ART3: variants seen among roughly 807,000 people sequenced by gnomAD.
ART3 encodes ecto-ADP-ribosyltransferase 3.
In ART3, 49 loss-of-function variants were observed where a neutral mutation model predicts 48.5. The ratio of observed to expected loss-of-function variants is 1.01; its 90% CI spans 0.80 to 1.28. ART3 has a LOEUF of 1.28. Among genes scored for constraint, ART3 ranks in the 50% most tolerant of loss-of-function variants. The pLI is 0.00. For missense variants in ART3, 438 were observed against 454.3 expected (o/e 0.96, Z 0.33); for synonymous variants, 145 against 157.2 (o/e 0.92, Z 0.58).
intron 2 of ART3, among the ~76,000 whole-genome samples, chr4:76,077,032 A>G (rs1354829948): frequency 1.3e-5 from 2 of 152,136 alleles, no homozygotes; most frequent in African/African-American, 4.8e-5. Flanking sequence ...TTGAAATATA[A>G]TTTACATACC....
chr4:76,079,289 G>A (rs1179870286), intron 2 of ART3, among the ~76,000 whole-genome samples: 1 of 151,968 alleles, frequency 6.6e-6, no homozygotes, highest in African/African-American at 2.4e-5. Flanking sequence ...GTTAAACTTA[G>A]TGATAGAGTG....
intron 1 of ART3, among the ~76,000 whole-genome samples, chr4:76,060,348 T>C (rs1719091108): frequency 1.0e-5 from 1 of 96,384 alleles, no homozygotes; most frequent in South Asian, 3.1e-4. Context: ...TGATTTATTT[T>C]GGCTGTGACA....
upstream of ART3, among the ~76,000 whole-genome samples, chr4:76,071,911 TTTTTTGTTTTTG>T (rs1215739076): frequency 5.3e-5 from 8 of 152,162 alleles, no homozygotes; most frequent in Non-Finnish European, 8.8e-5. Context: ...CTAAACATTT[TTTTTTGTTTTTG>T]TTTTTGTTTT....
At chr4:76,078,914 A>G (rs546201440) in intron 2 of ART3, among the ~76,000 whole-genome samples, 1 of 152,240 alleles carries the variant, frequency 6.6e-6, no homozygotes, top group South Asian at 2.1e-4. Context: ...CCCCGTCTCT[A>G]CTAAAAATAC....
chr4:76,023,003 G>T (rs1733012987), intron 1 of ART3, among the ~76,000 whole-genome samples: 1 of 152,186 alleles, frequency 6.6e-6, no homozygotes, highest in African/African-American at 2.4e-5. Context: ...TGGAAGAAAA[G>T]AATTGCAGCT....
chr4:76,037,744 A>G (rs1229498341), intron 1 of ART3, among the ~76,000 whole-genome samples: 5 of 152,172 alleles, frequency 3.3e-5, no homozygotes, highest in East Asian at 1.9e-4. Flanking sequence ...TCAACCATCA[A>G]TAATATTTTT....
chr4:76,089,460 T>C (rs1178451014), intron 3 of ART3, among the ~76,000 whole-genome samples: 1 of 152,148 alleles, frequency 6.6e-6, no homozygotes, highest in Non-Finnish European at 1.5e-5. Flanking sequence ...GTGTAGCATC[T>C]TCCCCCTCTC....
intron 3 of ART3, among the ~76,000 whole-genome samples, chr4:76,084,566 T>G (rs944295718): frequency 3.9e-5 from 6 of 152,218 alleles, no homozygotes; most frequent in Non-Finnish European, 8.8e-5. Context: ...CTGGAAGGTT[T>G]TAGGTTGTTT....
At chr4:76,107,871 C>G in intron 11 of ART3, 78 bp downstream of exon 11, 1 of 1,204,952 alleles carries the variant, frequency 8.3e-7, no homozygotes, top group Non-Finnish European at 1.2e-6. Context: ...TATTTTTCCT[C>G]AATAAAGGGA....
Position 76,082,190 on chromosome 4 carries a change from C to G in ART3, c.436C>G (p.Leu146Val). ...KAFHFYLTRALQLLRKPCEAS... is the reference protein window; with the variant it reads ...KAFHFYLTRAVQLLRKPCEAS... Reference sequence around the variant, plus strand: ...TTTCCACTTTTACCTCACAAGAGCCCTGCAGTTGCTGAGAAAACCTTGTGA... The same window carrying G: ...TTTCCACTTTTACCTCACAAGAGCCGTGCAGTTGCTGAGAAAACCTTGTGA... The change falls in exon 3 of 12, where the codon CTG (leucine) becomes GTG (valine). Residue 146 changes from leucine to valine, a missense_variant. Transcript: ENST00000355810. The G allele has an allele frequency of 6.2e-7, 1 of 1,614,156 alleles. No individual in the cohort carries two copies. The highest frequency in any genetic ancestry group is 2.2e-5 in the East Asian group (1 of 44,882).
intron 3 of ART3, among the ~76,000 whole-genome samples, chr4:76,084,473 T>C (rs1723139370): frequency 6.6e-6 from 1 of 152,238 alleles, no homozygotes; most frequent in South Asian, 2.1e-4. Context: ...TCCAGTGACT[T>C]CTAGGTTCTG....
At chr4:76,051,761 C>T (rs1048539891) in intron 1 of ART3, among the ~76,000 whole-genome samples, 2 of 151,918 alleles carry the variant, frequency 1.3e-5, no homozygotes, top group African/African-American at 2.4e-5. Flanking sequence ...AGGCTGGTCT[C>T]GAATTCCTGT....
At chr4:76,079,418 C>T (rs532124152) in intron 2 of ART3, among the ~76,000 whole-genome samples, 54 of 152,234 alleles carry the variant, frequency 3.5e-4, no homozygotes, top group African/African-American at 1.3e-3. Context: ...AGACATGTTA[C>T]GTATGAAGGT....
At chr4:76,075,649 C>G (rs1305038103) in intron 1 of ART3, among the ~76,000 whole-genome samples, 1 of 152,104 alleles carries the variant, frequency 6.6e-6, no homozygotes, top group Non-Finnish European at 1.5e-5. Flanking sequence ...TTGAGCAAAT[C>G]ACTGAAATTC....
chr4:76,035,084 A>G, intron 1 of ART3: 1 of 1,613,964 alleles, frequency 6.2e-7, no homozygotes, highest in Non-Finnish European at 8.5e-7. Flanking sequence ...TTTGGGATTT[A>G]GGCATCGTTG....
At chr4:76,029,328 G>A (rs1000103946) in intron 1 of ART3, among the ~76,000 whole-genome samples, 1 of 152,130 alleles carries the variant, frequency 6.6e-6, no homozygotes, top group African/African-American at 2.4e-5. Flanking sequence ...TCACGTTAGG[G>A]CATTTCCAAT....
intron 1 of ART3, among the ~76,000 whole-genome samples, chr4:76,027,366 CAGA>C (rs1226905950): frequency 6.6e-6 from 1 of 152,120 alleles, no homozygotes; most frequent in Non-Finnish European, 1.5e-5. Flanking sequence ...CAGAAGTTTT[CAGA>C]AGATCCTTCA....
intron 11 of ART3, among the ~76,000 whole-genome samples, chr4:76,108,634 G>A (rs1728911128): frequency 6.6e-6 from 1 of 151,020 alleles, no homozygotes; most frequent in East Asian, 1.9e-4. Context: ...AGAACCACTG[G>A]TCTGTGGTAA....
chr4:76,076,006 T>C (rs749862947), intron 2 of ART3, 48 bp downstream of exon 2: 1 of 1,301,288 alleles, frequency 7.7e-7, no homozygotes, highest in Admixed American at 2.2e-5. Context: ...GGAAATTCGT[T>C]TTTTTTTTTT....
Sources: gnomAD v4.1 joint callset for allele counts (sites outside exome capture counted in the v4.1 genomes callset) on GRCh38, gnomAD v4.1.1 for gene constraint, MANE v1.5 for transcripts, NCBI Gene and HGNC (gene_info 2026-07-23, HGNC 2026-07-21) for gene names.